NMT2: variants seen among roughly 807,000 people sequenced by gnomAD.
NMT2 encodes the protein N-myristoyltransferase 2, also known as glycylpeptide N-tetradecanoyltransferase 2.
A neutral mutation model predicts 65.4 loss-of-function variants in NMT2; 35 were observed. The observed-to-expected ratio is 0.54, with a 90% confidence interval of 0.41 to 0.71. The LOEUF (loss-of-function observed/expected upper bound fraction) is 0.71, where lower values mean the gene tolerates loss of function less well. Ranked by LOEUF, NMT2 falls within the 30% of genes least tolerant of loss-of-function variation. NMT2 has a pLI of 0.00. For synonymous variants in NMT2, 226 were observed against 231.8 expected (o/e 0.98, Z 0.23); for missense variants, 489 against 611.3 (o/e 0.80, Z 2.11).
chr10:15,155,377 G>T lies in NMT2; in HGVS notation c.110+13126C>A, dbSNP rs183953210. On this transcript the variant is annotated intron_variant, in intron 1 of 11. Coordinates refer to ENST00000378165, the MANE Select transcript of NMT2 (RefSeq NM_004808.3). Reference sequence around the variant, plus strand: ...GCGTCTGCAAAGCCTTTTTTGTTGTGTTTTTTTAAGAGATTGGGTCTCACT... The same window carrying T: ...GCGTCTGCAAAGCCTTTTTTGTTGTTTTTTTTTAAGAGATTGGGTCTCACT... The T allele has an allele frequency of 1.1e-5, 8 of 697,702 alleles. No individual in the cohort carries two copies. In the Admixed American group the frequency reaches 1.6e-4, roughly 14 times the overall value. 43.2% of individuals were successfully genotyped at this position (697,702 alleles called of 1,614,324 possible).
chr10:15,119,957 A>G (rs1311410387), intron 8 of NMT2, among the ~76,000 whole-genome samples: 1 of 152,240 alleles, frequency 6.6e-6, no homozygotes, highest in Admixed American at 6.5e-5. Flanking sequence ...GAGTACAGGC[A>G]GCCCTCCGTA....
intron 1 of NMT2, among the ~76,000 whole-genome samples, chr10:15,163,050 G>A (rs1833255292): frequency 6.6e-6 from 1 of 151,860 alleles, no homozygotes; most frequent in South Asian, 2.1e-4. Flanking sequence ...CAAGTAGCTG[G>A]AACTATACGC....
chr10:15,149,512 T>C (rs1171283775), intron 1 of NMT2, among the ~76,000 whole-genome samples: 2,587 of 19,190 alleles, frequency 0.13, no homozygotes, highest in Middle Eastern at 0.18. Flanking sequence ...CCACCATCAT[T>C]ATCACCACCA....
At chr10:15,143,699 A>T (rs1846856195) in intron 1 of NMT2, among the ~76,000 whole-genome samples, 1 of 152,138 alleles carries the variant, frequency 6.6e-6, no homozygotes, top group African/African-American at 2.4e-5. Flanking sequence ...CTGTCCCCAT[A>T]AAAAGTAAAA....
chr10:15,110,635 C>CA (rs936177363), intron 10 of NMT2, among the ~76,000 whole-genome samples: 13 of 117,024 alleles, frequency 1.1e-4, no homozygotes, highest in African/African-American at 8.8e-4. Context: ...GCGCCTGTCT[C>CA]AAAAAACAAA....
intron 2 of NMT2, among the ~76,000 whole-genome samples, chr10:15,140,023 C>A (rs1441429010): frequency 6.6e-6 from 1 of 150,834 alleles, no homozygotes; most frequent in Non-Finnish European, 1.5e-5. Flanking sequence ...AGTGCAGTAC[C>A]CAGGCAAAGG....
intron 1 of NMT2, among the ~76,000 whole-genome samples, chr10:15,153,160 A>G (rs375806106): frequency 2.0e-5 from 3 of 152,308 alleles, no homozygotes; most frequent in East Asian, 3.9e-4. Context: ...GGAGCTGAAC[A>G]TGGTGGCTCA....
chr10:15,119,197 A>G lies in NMT2; in HGVS notation c.1170+146T>C. 4.1e-6 allele frequency: 3 copies of G among 735,106 alleles called. No homozygotes were observed. The South Asian group carries it at 5.4e-5, about 13-fold the overall frequency. The allele number at this position is 735,106 out of a possible 1,614,324, so 45.5% of individuals were successfully genotyped here. ...CCTTGATAGAGTATTCAGAATTATT[A>G]ATCTTATTAACTCTCTACCCTTTAG... On this transcript the variant is annotated intron_variant, in intron 9 of 11. Coordinates refer to ENST00000378165, the MANE Select transcript of NMT2 (RefSeq NM_004808.3).
rs144868973 is a variant in NMT2, at chr10:15,128,427, A to G, written c.922T>C (p.Leu308=). The G allele has an allele frequency of 5.4e-4, 862 of 1,610,450 alleles. 7 individuals are homozygous for G. In the African/African-American group the frequency reaches 9.3e-3, roughly 17 times the overall value. ...AAGTGAGAAAATTTCACTTCTACCA[A>G]TTTTCTGGGGTTTAGTGATCGATGC... ...YWHRSLNPRK[L]VEVKFSHLSR... is the part of the protein sequence containing the mutation. Residue 308 remains leucine (L), a synonymous_variant, in exon 8 of 12, where the codon TTG becomes CTG. Transcript: ENST00000378165.
rs114465910 is a variant in NMT2 at position 15,125,964 on chromosome 10, C to T, written c.999+2386G>A. 8.0e-3 allele frequency among the ~76,000 whole-genome samples: 1,207 copies of T among 151,818 alleles called. 17 individuals are homozygous for T. The highest frequency in any genetic ancestry group is 0.027 in the African/African-American group (1,116 of 41,460). ...ACAGGTGTGAGCCACCGCGCCTGGC[C>T]GAAGATTTTATTTCAATTCACACGT... On this transcript the variant is annotated intron_variant, in intron 8 of 11. Transcript: ENST00000378165.
At chr10:15,122,192 T>G (rs185880346) in intron 8 of NMT2, among the ~76,000 whole-genome samples, 53 of 152,202 alleles carry the variant, frequency 3.5e-4, no homozygotes, top group Middle Eastern at 3.4e-3. Flanking sequence ...ATCAACAATA[T>G]CAAGCAATTA....
chr10:15,165,035 C>T (rs7900501), intron 1 of NMT2, among the ~76,000 whole-genome samples: 27,349 of 151,798 alleles, frequency 0.18, 3,079 homozygotes, highest in African/African-American at 0.32. Context: ...TGGTGATGCA[C>T]GCCTGTAATC....
intron 1 of NMT2, among the ~76,000 whole-genome samples, chr10:15,153,292 G>A (rs79436768): frequency 4.8e-4 from 73 of 152,332 alleles, no homozygotes; most frequent in Non-Finnish European, 1.0e-3. Flanking sequence ...CTAAAAGGAG[G>A]TTGATCTACG....
At chr10:15,166,356 T>C (rs1044465962) in intron 1 of NMT2, among the ~76,000 whole-genome samples, 6 of 152,270 alleles carry the variant, frequency 3.9e-5, no homozygotes, top group African/African-American at 1.4e-4. Flanking sequence ...AAAGGCTCAT[T>C]ATTTGTTATT....
At chr10:15,157,410 T>C (rs1564591175) in intron 1 of NMT2, among the ~76,000 whole-genome samples, 1 of 152,100 alleles carries the variant, frequency 6.6e-6, no homozygotes, top group African/African-American at 2.4e-5. Flanking sequence ...CTGAAGTGGG[T>C]ACCTCCCGGC....
rs544019093 is a variant in NMT2, at chr10:15,136,330, CAGAG to C, written c.247-916_247-913del. On this transcript the variant is annotated intron_variant, in intron 2 of 11. Transcript: ENST00000378165. ...AGAGAGAAAGAGAAAGGGAGAGAGACAGAGAGAAAGAAAAGAAAAGAAAAAAGGA... is the reference window on the plus strand; with the variant it reads ...AGAGAGAAAGAGAAAGGGAGAGAGACAGAAAGAAAAGAAAAGAAAAAAGGA... Among the ~76,000 whole-genome samples, 360 of 132,844 alleles carry C rather than the reference CAGAG, an allele frequency of 2.7e-3. 1 individual carries two copies. The highest frequency in any genetic ancestry group is 9.6e-3 in the African/African-American group (335 of 34,842). The allele number at this position is 132,844 out of a possible 152,430, so 87.2% of individuals were successfully genotyped here. A position where few individuals can be genotyped will look rare whatever the true frequency, so the allele number is the denominator to read the frequency against.
intron 1 of NMT2, among the ~76,000 whole-genome samples, chr10:15,144,472 C>G (rs1293617459): frequency 6.6e-6 from 1 of 152,176 alleles, no homozygotes; most frequent in East Asian, 1.9e-4. Context: ...TGGCTCACGC[C>G]TGTAATCCCA....
intron 1 of NMT2, among the ~76,000 whole-genome samples, chr10:15,164,374 T>C (rs1833307186): frequency 1.3e-5 from 2 of 152,198 alleles, no homozygotes; most frequent in African/African-American, 2.4e-5. Context: ...ATGAGAAACA[T>C]CTATTTTTCT....
At chr10:15,118,130 T>A (rs1052458625) in intron 9 of NMT2, among the ~76,000 whole-genome samples, 22 of 152,216 alleles carry the variant, frequency 1.4e-4, no homozygotes, top group Admixed American at 3.3e-4. Context: ...TATATCGCTA[T>A]AGCAACGAGG....
Sources: allele counts gnomAD v4.1 joint callset (sites outside exome capture counted in the v4.1 genomes callset), GRCh38; gene constraint gnomAD v4.1.1; transcripts MANE v1.5; gene names NCBI Gene and HGNC (gene_info 2026-07-23, HGNC 2026-07-21).